MAP1B: variants seen among roughly 807,000 people sequenced by gnomAD.
MAP1B encodes microtubule-associated protein 1B.
MAP1B carries 12 observed loss-of-function variants against 176.1 expected under a neutral mutation model. The observed-to-expected ratio is 0.07, with a 90% confidence interval of 0.04 to 0.11. The LOEUF (loss-of-function observed/expected upper bound fraction) is 0.11, where lower values mean the gene tolerates loss of function less well. MAP1B is among the 10% of genes least tolerant of loss of function. The pLI is 1.00. For missense variants in MAP1B, 2,523 were observed against 2,990.5 expected (o/e 0.84, Z 3.65); for synonymous variants, 1,044 against 1,135.0 (o/e 0.92, Z 1.61).
At chr5:72,118,112 C>T (rs1178618293) in intron 2 of MAP1B, among the ~76,000 whole-genome samples, 1 of 152,164 alleles carries the variant, frequency 6.6e-6, no homozygotes, top group African/African-American at 2.4e-5. Context: ...TGGTCTCTAG[C>T]TAACTCATGT....
At chr5:72,191,426 C>T (rs531711961) in intron 4 of MAP1B, among the ~76,000 whole-genome samples, 4 of 152,330 alleles carry the variant, frequency 2.6e-5, no homozygotes, top group Middle Eastern at 3.4e-3. Context: ...CAGGTGCTGC[C>T]GTGGGCTGGC....
At chr5:72,139,881 A>C (rs1281573849) in intron 2 of MAP1B, among the ~76,000 whole-genome samples, 5 of 152,248 alleles carry the variant, frequency 3.3e-5, no homozygotes, top group Non-Finnish European at 7.3e-5. Context: ...CTGATACATA[A>C]GAAAAGCCCA....
At chr5:72,140,698 C>G (rs1745932122) in intron 2 of MAP1B, among the ~76,000 whole-genome samples, 1 of 152,104 alleles carries the variant, frequency 6.6e-6, no homozygotes, top group Non-Finnish European at 1.5e-5. Context: ...TGTTTTCCAG[C>G]AAGAAGAATG....
rs1005397556 is a variant in MAP1B, at chr5:72,115,716, C to A, written c.203C>A (p.Thr68Lys). The change falls in exon 2 of 7, where the codon ACA (threonine) becomes AAA (lysine). Residue 68 changes from threonine (T) to lysine (K), a missense_variant. This residue lies in a region of MAP1B where 307 missense variants were observed against 438.4 expected (regional missense o/e 0.70). Coordinates refer to ENST00000296755, the MANE Select transcript of MAP1B (RefSeq NM_005909.5). ...TCCCTAGGAATCCGATCATGGGACA[C>A]AAACCTGATTGAATGCAACTTGGAC... ...NIELGIRSWD[T>K]NLIECNLDQE... is the part of the protein sequence containing the mutation. 6.2e-7 allele frequency: 1 copy of A among 1,611,880 alleles called. No homozygotes were observed. Among genetic ancestry groups the A allele is most frequent in the East Asian group, 2.2e-5 (1 of 44,858 alleles).
intron 2 of MAP1B, among the ~76,000 whole-genome samples, chr5:72,131,733 A>G (rs1475163071): frequency 2.0e-5 from 3 of 152,182 alleles, no homozygotes; most frequent in Non-Finnish European, 4.4e-5. Context: ...TGCCTATAGA[A>G]TCATAGTTTA....
In MAP1B at chr5:72,198,265, A is replaced by T. The variant is rs1409938152; in HGVS notation, c.4910A>T (p.Asp1637Val). 1.2e-6 allele frequency: 2 copies of T among 1,614,022 alleles called. No individual in the cohort carries two copies. The highest frequency in any genetic ancestry group is 1.7e-6 in the Non-Finnish European group (2 of 1,179,980). ...GCAAAGTCCAGGACACCCGTTCAAG[A>T]TCACAGATCTGAACAGTCCTCAATG... ...KTAKSRTPVQ[D>V]HRSEQSSMSI... Residue 1637 changes from aspartate to valine, a missense_variant, in exon 5 of 7, where the codon GAT becomes GTT. This residue lies in a region of MAP1B where 1,925 missense variants were observed against 2,126.0 expected (regional missense o/e 0.91). Coordinates refer to ENST00000296755, the MANE Select transcript of MAP1B (RefSeq NM_005909.5).
chr5:72,113,688 T>G (rs1341442266), intron 1 of MAP1B, among the ~76,000 whole-genome samples: 1 of 152,252 alleles, frequency 6.6e-6, no homozygotes, highest in Non-Finnish European at 1.5e-5. Flanking sequence ...CATTATTAAC[T>G]TATTGACCCA....
intron 2 of MAP1B, among the ~76,000 whole-genome samples, chr5:72,157,135 C>T (rs1275653568): frequency 1.3e-5 from 2 of 152,216 alleles, no homozygotes; most frequent in Admixed American, 1.3e-4. Context: ...AGGAATGATT[C>T]ACTGACTTTA....
chr5:72,125,961 C>T (rs1745621885), intron 2 of MAP1B, among the ~76,000 whole-genome samples: 1 of 151,924 alleles, frequency 6.6e-6, no homozygotes, highest in Non-Finnish European at 1.5e-5. Context: ...TTGTCTTTAT[C>T]TTTGAGTGCT....
At chr5:72,174,875 T>TCTTCCTTCCTTC (rs60281377) in intron 2 of MAP1B, among the ~76,000 whole-genome samples, 2 of 136,498 alleles carry the variant, frequency 1.5e-5, no homozygotes, top group Non-Finnish European at 3.1e-5. Flanking sequence ...CTGCTTCCTT[T>TCTTCCTTCCTTC]CTTCCTTCCT....
rs778302889 is a variant in MAP1B, at chr5:72,206,735, T to A, written c.*1496T>A. On this transcript the variant is annotated 3_prime_UTR_variant, in exon 7 of 7. Transcript: ENST00000296755. ...AGTGTTTCGTAAGACAAAAATTGAA[T>A]AATGTTTTTTGAAGTTCTGGCAAGA... 6.6e-6 allele frequency: 1 copy of A among 152,124 alleles called. No homozygotes were observed. Among genetic ancestry groups the A allele is most frequent in the African/African-American group, 2.4e-5 (1 of 41,396 alleles). 9.4% of individuals were successfully genotyped at this position (152,124 alleles called of 1,614,324 possible). A position where few individuals can be genotyped will look rare whatever the true frequency, so the allele number is the denominator to read the frequency against.
intron 2 of MAP1B, among the ~76,000 whole-genome samples, chr5:72,176,697 G>A (rs114398072): frequency 0.022 from 3,312 of 152,262 alleles, 42 homozygotes; most frequent in Non-Finnish European, 0.034. Flanking sequence ...TTTGGACCCA[G>A]GAGGGATGGC....
rs1429134673 is a variant in MAP1B at position 72,206,573 on chromosome 5, A to G, written c.*1334A>G. On this transcript the variant is annotated 3_prime_UTR_variant, in exon 7 of 7. Coordinates refer to ENST00000296755, the MANE Select transcript of MAP1B (RefSeq NM_005909.5). ...TTTTAAATTTTCCATTAATTTCAAC[A>G]TAATTATGGGAACAAGTGTACAGAA... The G allele has an allele frequency of 6.6e-6, 1 of 152,626 alleles. No individual in the cohort carries two copies. Among genetic ancestry groups the G allele is most frequent in the African/African-American group, 2.4e-5 (1 of 41,454 alleles). The allele number at this position is 152,626 out of a possible 1,614,324, so 9.5% of individuals were successfully genotyped here.
chr5:72,157,647 T>A (rs548216022), intron 2 of MAP1B, among the ~76,000 whole-genome samples: 1 of 152,192 alleles, frequency 6.6e-6, no homozygotes, highest in Non-Finnish European at 1.5e-5. Context: ...ATGATTGATC[T>A]CAGTCCCTGG....
Position 72,198,157 on chromosome 5 carries a change from T to C in MAP1B, c.4802T>C (p.Phe1601Ser). Reference protein sequence around the residue: ...SVSVVQTPTTFQETEMSPSKE... With the variant: ...SVSVVQTPTTSQETEMSPSKE... Reference sequence around the variant, plus strand: ...TCTGTTGTGCAAACACCTACCACATTCCAGGAAACAGAAATGTCTCCATCT... The same window carrying C: ...TCTGTTGTGCAAACACCTACCACATCCCAGGAAACAGAAATGTCTCCATCT... Residue 1601 changes from phenylalanine to serine, a missense_variant, in exon 5 of 7, where the codon TTC becomes TCC. Phe to Ser is a radical substitution (Grantham distance 155). This residue lies in a region of MAP1B where 1,925 missense variants were observed against 2,126.0 expected (regional missense o/e 0.91). Coordinates refer to ENST00000296755, the MANE Select transcript of MAP1B (RefSeq NM_005909.5). 2 of 1,614,144 alleles carry C rather than the reference T, an allele frequency of 1.2e-6. No homozygotes were observed. Among genetic ancestry groups the C allele is most frequent in the Non-Finnish European group, 1.7e-6 (2 of 1,180,020 alleles).
Position 72,199,640 on chromosome 5 carries a change from A to C in MAP1B, c.6285A>C (p.Thr2095=). The stretch of plus-strand genomic sequence containing the variant: ...CTTGTGAATACAAGCACCCCAAGAC[A>C]GAGCTTTCACCCTCTTTCATTAATC... ...VSSCEYKHPK[T]ELSPSFINPN... Residue 2095 remains threonine, a synonymous_variant, in exon 5 of 7, where the codon ACA becomes ACC. Transcript: ENST00000296755. The surrounding 1 kb of genome is among the most constrained non-coding windows in gnomAD (Gnocchi z 4.2). 1 of 1,614,204 alleles carries C rather than the reference A, an allele frequency of 6.2e-7. No individual in the cohort carries two copies. The highest frequency in any genetic ancestry group is 8.5e-7 in the Non-Finnish European group (1 of 1,180,032).
chr5:72,157,546 A>T (rs1376261641), intron 2 of MAP1B, among the ~76,000 whole-genome samples: 4 of 152,128 alleles, frequency 2.6e-5, no homozygotes, highest in African/African-American at 9.7e-5. Flanking sequence ...GGGCTTCCCC[A>T]CCCTCCCTGG....
At chr5:72,182,023 CTTT>C (rs34251206) in intron 2 of MAP1B, among the ~76,000 whole-genome samples, 2,350 of 94,770 alleles carry the variant, frequency 0.025, 64 homozygotes, top group African/African-American at 0.11. Flanking sequence ...CGCACCTGGC[CTTT>C]TTTTTTTTTT....
intron 2 of MAP1B, among the ~76,000 whole-genome samples, chr5:72,123,102 T>C (rs1203054228): frequency 6.6e-6 from 1 of 152,162 alleles, no homozygotes; most frequent in Non-Finnish European, 1.5e-5. Flanking sequence ...AGATGAAGAA[T>C]AAAGCATAAA....
Sources: gnomAD v4.1 joint callset for allele counts (sites outside exome capture counted in the v4.1 genomes callset) on GRCh38, gnomAD v4.1.1 for gene constraint, gnomAD v4.1.1 regional missense constraint, Gnocchi (gnomAD v3.1) non-coding constraint, MANE v1.5 for transcripts, NCBI Gene and HGNC (gene_info 2026-07-23, HGNC 2026-07-21) for gene names.